Variants in TAOK2 observed in about 807,000 individuals in gnomAD.
TAOK2 encodes TAO kinase 2.
A neutral mutation model predicts 122.5 loss-of-function variants in TAOK2; 42 were observed. That is an observed-to-expected ratio of 0.34 (90% CI 0.27 to 0.44). TAOK2 has a LOEUF of 0.44. TAOK2 is among the 20% of genes least tolerant of loss of function. TAOK2 has a pLI of 1.00. For synonymous variants in TAOK2, 704 were observed against 677.6 expected (o/e 1.04, Z -0.61); for missense variants, 1,264 against 1,644.9 (o/e 0.77, Z 4.01).
At chr16:29,991,652 T>A (rs2069971638), downstream of TAOK2, 2 of 1,389,820 alleles carry the variant, frequency 1.4e-6, no homozygotes, top group Admixed American at 3.4e-5. The surrounding 1 kb of genome is among the most constrained non-coding windows in gnomAD (Gnocchi z 5.6). Flanking sequence ...TGGAGGCCCC[T>A]GCAAGGGTAG....
intron 13 of TAOK2, among the ~76,000 whole-genome samples, chr16:29,984,287 G>T (rs2069713672): frequency 6.6e-6 from 1 of 152,246 alleles, no homozygotes; most frequent in Non-Finnish European, 1.5e-5. Flanking sequence ...ACTTGCCCCA[G>T]TGCCTTTGGT....
Position 29,986,524 on chromosome 16 carries a change from C to T in TAOK2, c.2252C>T (p.Pro751Leu). ...KSLKVRAGQR[P>L]PGLPLPIPGA... ...CTCAAAGTACGTGCAGGCCAGCGCC[C>T]CCCGGGCCTTCCACTCCCCATTCCT... is the stretch of plus-strand genomic sequence containing the variant. Residue 751 changes from proline to leucine, a missense_variant, in exon 16 of 16, where the codon CCC (proline) becomes CTC (leucine). Transcript: ENST00000308893. The surrounding 1 kb of genome is among the most constrained non-coding windows in gnomAD (Gnocchi z 4.2). 1 of 1,612,600 alleles carries T rather than the reference C, an allele frequency of 6.2e-7. No individual in the cohort carries two copies. The highest frequency in any genetic ancestry group is 8.5e-7 in the Non-Finnish European group (1 of 1,179,266).
At chr16:29,976,885 C>G (rs1185896778) in intron 1 of TAOK2, among the ~76,000 whole-genome samples, 1 of 152,220 alleles carries the variant, frequency 6.6e-6, no homozygotes, top group African/African-American at 2.4e-5. Flanking sequence ...GCTCTGAAAT[C>G]ATAGTGATGG....
chr16:29,974,443 G>A lies in TAOK2; in HGVS notation c.-241G>A, dbSNP rs561245563. On this transcript the variant is annotated 5_prime_UTR_variant, in exon 1 of 16. Transcript: ENST00000308893. Reference sequence around the variant, plus strand: ...TCGGCAGCTGTCGCCCTCGACGAGGGGGAGGACTGGACCGCGAGGTCAGAT... The same window carrying A: ...TCGGCAGCTGTCGCCCTCGACGAGGAGGAGGACTGGACCGCGAGGTCAGAT... 75 of 152,724 alleles carry A rather than the reference G, an allele frequency of 4.9e-4. No individual in the cohort carries two copies. Among genetic ancestry groups the A allele is most frequent in the African/African-American group, 1.8e-3 (74 of 41,572 alleles). 9.5% of individuals were successfully genotyped at this position (152,724 alleles called of 1,614,324 possible).
Position 29,985,154 on chromosome 16 carries a change from T to C in TAOK2, c.1423-59T>C. The C allele has an allele frequency of 1.4e-6, 2 of 1,458,920 alleles. No individual in the cohort carries two copies. The highest frequency in any genetic ancestry group is 3.2e-5 in the South Asian group (2 of 62,514). 90.4% of individuals were successfully genotyped at this position (1,458,920 alleles called of 1,614,324 possible). ...ATGCTCTTCCCCACGGAAGACCCCT[T>C]GTGTTAATTAACTAGGGGCCAGGCT... On this transcript the variant is annotated intron_variant, in intron 13 of 15. Transcript: ENST00000308893. The surrounding 1 kb of genome is among the most constrained non-coding windows in gnomAD (Gnocchi z 6.9).
chr16:29,989,557 C>A, downstream of TAOK2: 2 of 1,610,996 alleles, frequency 1.2e-6, no homozygotes, highest in Middle Eastern at 1.7e-4. Context: ...CTCTTCCCCG[C>A]TGCCCCCATC....
At position 29,982,641 on chromosome 16, in the gene TAOK2, A is replaced by T. The variant is rs112553620; in HGVS notation, c.832-93A>T. ...TCAACCCGTGGTGGGCGTGGGCCCC[A>T]GAAGAGTGCCTCAGGCCTGAGGGAA... On this transcript the variant is annotated intron_variant, in intron 10 of 15. Transcript: ENST00000308893. 2.2e-3 allele frequency: 3,287 copies of T among 1,513,670 alleles called. 62 individuals are homozygous for T. The African/African-American group carries it at 0.041, about 19-fold the overall frequency. The allele number at this position is 1,513,670 out of a possible 1,614,324, so 93.8% of individuals were successfully genotyped here.
In TAOK2 at chr16:29,987,832, G is replaced by A. The variant is rs1364648297; in HGVS notation, c.3560G>A (p.Arg1187Gln). 4 of 1,612,378 alleles carry A rather than the reference G, an allele frequency of 2.5e-6. No individual in the cohort carries two copies. The highest frequency in any genetic ancestry group is 3.4e-6 in the Non-Finnish European group (4 of 1,179,702). ...ACACTGGCCAGCTGGGGCCTGCTTCGGGGTGAACGGCCCACCCGAATCCCC... is the reference window on the plus strand; with the variant it reads ...ACACTGGCCAGCTGGGGCCTGCTTCAGGGTGAACGGCCCACCCGAATCCCC... ...IHTLASWGLL[R>Q]GERPTRIPRL... Residue 1187 changes from arginine to glutamine, a missense_variant, in exon 16 of 16, where the codon CGG (arginine) becomes CAG (glutamine). Arg to Gln is a conservative substitution (Grantham distance 43). Transcript: ENST00000308893.
At chr16:29,982,476 G>A (rs1355980385) in intron 10 of TAOK2, among the ~76,000 whole-genome samples, 2 of 152,258 alleles carry the variant, frequency 1.3e-5, no homozygotes, top group African/African-American at 4.8e-5. Context: ...TAGCCCTTTA[G>A]TAGAGGAGCT....
downstream of TAOK2, chr16:29,991,912 T>A: frequency 5.2e-6 from 1 of 192,682 alleles, no homozygotes; most frequent in Non-Finnish European, 1.1e-5. This position sits in a 1 kb window ranked among gnomAD's most constrained non-coding sequence, Gnocchi z 5.6. Context: ...CAGAGAACTA[T>A]ACTACCCTCA....
downstream of TAOK2, chr16:29,991,009 C>T (rs751479748): frequency 2.1e-5 from 33 of 1,587,550 alleles, no homozygotes; most frequent in Middle Eastern, 5.1e-4. This position sits in a 1 kb window ranked among gnomAD's most constrained non-coding sequence, Gnocchi z 5.6. Context: ...AGGGTGGGCT[C>T]CTGCCCCCGA....
At position 29,986,364 on chromosome 16, in the gene TAOK2, G is replaced by T. The variant is rs541201834; in HGVS notation, c.2092G>T (p.Val698Leu). ...RELELRQLQAVQRTRAELTRL... is the reference protein window; with the variant it reads ...RELELRQLQALQRTRAELTRL... ...GCTGGAGCTGCGGCAGCTCCAGGCCGTGCAGCGCACGCGGGCTGAGCTCAC... is the reference window on the plus strand; with the variant it reads ...GCTGGAGCTGCGGCAGCTCCAGGCCTTGCAGCGCACGCGGGCTGAGCTCAC... The change falls in exon 16 of 16, where the codon GTG (valine) becomes TTG (leucine). Residue 698 changes from valine to leucine, a missense_variant. This residue lies in a region of TAOK2 where 824 missense variants were observed against 908.7 expected (regional missense o/e 0.91). Transcript: ENST00000308893. The surrounding 1 kb of genome is among the most constrained non-coding windows in gnomAD (Gnocchi z 4.2). 25 of 1,603,214 alleles carry T rather than the reference G, an allele frequency of 1.6e-5. 1 individual carries two copies. The South Asian group carries it at 2.6e-4, about 16-fold the overall frequency.
In TAOK2 at chr16:29,983,228, G is replaced by A. The variant is rs1204795871; in HGVS notation, c.1156G>A (p.Glu386Lys). ...DNEEEEEEEEEEEEEEEGPEA... is the reference protein window; with the variant it reads ...DNEEEEEEEEKEEEEEEGPEA... ...CGAGGAAGAGGAGGAGGAGGAGGAGGAAGAGGAGGAGGAGGAAGAAGGCCC... is the reference window on the plus strand; with the variant it reads ...CGAGGAAGAGGAGGAGGAGGAGGAGAAAGAGGAGGAGGAGGAAGAAGGCCC... Residue 386 changes from glutamate to lysine, a missense_variant, in exon 12 of 16, where the codon GAA becomes AAA. Coordinates refer to ENST00000308893, the MANE Select transcript of TAOK2 (RefSeq NM_016151.4). The A allele has an allele frequency of 1.2e-6, 2 of 1,612,830 alleles. No homozygotes were observed. The highest frequency in any genetic ancestry group is 1.7e-6 in the Non-Finnish European group (2 of 1,179,868).
chr16:29,989,296 G>A (rs930319014), downstream of TAOK2: 8 of 984,800 alleles, frequency 8.1e-6, no homozygotes, highest in Admixed American at 1.9e-4. Context: ...ACCCAACTCC[G>A]TGCACGTGCT....
rs758903723 is a variant in TAOK2, at chr16:29,978,856, A to G, written c.352+12A>G. On this transcript the variant is annotated intron_variant, in intron 5 of 15. Transcript: ENST00000308893. ...TGACCTTCTAGAAGGTAAGTGACTG[A>G]TAGGCCAATAAGTGGAGAAGGGAGA... 1.2e-6 allele frequency: 2 copies of G among 1,614,092 alleles called. No homozygotes were observed. The highest frequency in any genetic ancestry group is 1.7e-5 in the Admixed American group (1 of 60,006).
rs1356484232 is a variant in TAOK2, at chr16:29,987,808, C to T, written c.3536C>T (p.Thr1179Ile). The T allele has an allele frequency of 6.2e-7, 1 of 1,613,492 alleles. No individual in the cohort carries two copies. Among genetic ancestry groups the T allele is most frequent in the Non-Finnish European group, 8.5e-7 (1 of 1,179,834 alleles). The change falls in exon 16 of 16, where the codon ACA (threonine) becomes ATA (isoleucine). Residue 1179 changes from threonine (T) to isoleucine (I), a missense_variant. Around this residue, in one of 4 missense-constraint regions of TAOK2, gnomAD observed 824 missense variants for 908.7 expected, o/e 0.91. Coordinates refer to ENST00000308893, the MANE Select transcript of TAOK2 (RefSeq NM_016151.4). ...ASHLPPWAIH[T>I]LASWGLLRGE... is the part of the protein sequence containing the mutation. Reference sequence around the variant, plus strand: ...CACTTGCCCCCGTGGGCCATCCACACACTGGCCAGCTGGGGCCTGCTTCGG... The same window carrying T: ...CACTTGCCCCCGTGGGCCATCCACATACTGGCCAGCTGGGGCCTGCTTCGG...
chr16:29,986,235 GC>G lies in TAOK2; in HGVS notation c.1993-26del, dbSNP rs1208600141. 6.6e-7 allele frequency: 1 copy of G among 1,508,698 alleles called. No homozygotes were observed. Among genetic ancestry groups the G allele is most frequent in the South Asian group, 1.4e-5 (1 of 73,802 alleles). 93.5% of individuals were successfully genotyped at this position (1,508,698 alleles called of 1,614,324 possible). A position where few individuals can be genotyped will look rare whatever the true frequency, so the allele number is the denominator to read the frequency against. ...CTCTCACTTCCTTGATACTGACCAG[GC>G]CCCGGGCCCTGCATTTCTTCTGCCT... On this transcript the variant is annotated intron_variant, in intron 15 of 15. Transcript: ENST00000308893. The surrounding 1 kb of genome is among the most constrained non-coding windows in gnomAD (Gnocchi z 4.2).
At chr16:29,981,833 C>CACAA in intron 9 of TAOK2, 26 bp from the exon 10 acceptor site, 1 of 1,603,706 alleles carries the variant, frequency 6.2e-7, no homozygotes, top group Non-Finnish European at 8.5e-7. Context: ...TTCCCCACCC[C>CACAA]TCTCCCACCC....
chr16:29,983,051 C>A (rs368186383), intron 11 of TAOK2, 21 bp from the exon 12 acceptor site: 2 of 1,613,162 alleles, frequency 1.2e-6, no homozygotes, highest in Non-Finnish European at 1.7e-6. Flanking sequence ...CCCTGTCCAG[C>A]AGCCTACGCC....
Sources: gnomAD v4.1 joint callset for allele counts (sites outside exome capture counted in the v4.1 genomes callset) on GRCh38, gnomAD v4.1.1 for gene constraint, gnomAD v4.1.1 regional missense constraint, Gnocchi (gnomAD v3.1) non-coding constraint, MANE v1.5 for transcripts, NCBI Gene and HGNC (gene_info 2026-07-23, HGNC 2026-07-21) for gene names.